The following GIMAP2 variants were observed in gnomAD, a reference collection of about 807,000 sequenced individuals.
GIMAP2 encodes GTPase IMAP family member 2.
GIMAP2 carries 22 observed loss-of-function variants against 25.5 expected under a neutral mutation model. The observed-to-expected ratio is 0.86, with a 90% CI of 0.62 to 1.23. GIMAP2 has a LOEUF of 1.23. Ranked by LOEUF, GIMAP2 falls within the 50% of genes most tolerant of loss-of-function variation. GIMAP2 has a pLI of 0.00. For synonymous variants in GIMAP2, 167 were observed against 143.0 expected, an observed-to-expected ratio of 1.17 and a Z score of -1.20; for missense variants, 422 against 395.7, an observed-to-expected ratio of 1.07 and a Z score of -0.56.
At chr7:150,688,987 C>A (rs746691643) in intron 2 of GIMAP2, among the ~76,000 whole-genome samples, 7 of 152,230 alleles carry the variant, frequency 4.6e-5, no homozygotes, top group Non-Finnish European at 1.0e-4. Flanking sequence ...TGGACAGGGC[C>A]TCATCAAGGC....
chr7:150,687,156 T>TGTGTGTGTGTGTG (rs1796913507), intron 2 of GIMAP2, 69 bp downstream of exon 2: 1 of 942,312 alleles, frequency 1.1e-6, no homozygotes, highest in African/African-American at 2.2e-5. Context: ...GTGTGTGTGT[T>TGTGTGTGTGTGTG]TGGCTCTTCT....
intron 2 of GIMAP2, among the ~76,000 whole-genome samples, chr7:150,690,714 C>T (rs1796957273): frequency 6.6e-6 from 1 of 152,182 alleles, no homozygotes; most frequent in South Asian, 2.1e-4. Flanking sequence ...AAGTTCTTTA[C>T]ATATATTAAC....
rs373101991 is a variant in GIMAP2, at chr7:150,693,451, C to T, written c.*151C>T. Reference sequence around the variant, plus strand: ...CCAATTATTAATGAACCAAATCATACGATAAGTTACTGTTTGCATTGAAAT... The same window carrying T: ...CCAATTATTAATGAACCAAATCATATGATAAGTTACTGTTTGCATTGAAAT... On this transcript the variant is annotated 3_prime_UTR_variant, in exon 3 of 3. Coordinates refer to ENST00000223293, the MANE Select transcript of GIMAP2 (RefSeq NM_015660.3). 7.0e-5 allele frequency: 38 copies of T among 544,860 alleles called. No individual in the cohort carries two copies. The highest frequency in any genetic ancestry group is 1.8e-4 in the Admixed American group (5 of 27,282). 33.8% of individuals were successfully genotyped at this position (544,860 alleles called of 1,614,324 possible). A position where few individuals can be genotyped will look rare whatever the true frequency, so the allele number is the denominator to read the frequency against.
At chr7:150,691,739 C>T (rs1005144474) in intron 2 of GIMAP2, among the ~76,000 whole-genome samples, 2 of 152,096 alleles carry the variant, frequency 1.3e-5, no homozygotes, top group African/African-American at 4.8e-5. Context: ...TCTAGAGATC[C>T]AGGACTGAGT....
chr7:150,689,229 C>T (rs1796938617), intron 2 of GIMAP2, among the ~76,000 whole-genome samples: 1 of 152,218 alleles, frequency 6.6e-6, no homozygotes. Context: ...CACTTTGCTG[C>T]ACTTGGATAG....
rs576072527 is a variant in GIMAP2 at position 150,692,233 on chromosome 7, A to C, written c.29-82A>C. Reference sequence around the variant, plus strand: ...GAGCGAGACTCCGTCTCAAAAAAAAAAGAAAAAGAAATGAAAGGAAAAAAA... The same window carrying C: ...GAGCGAGACTCCGTCTCAAAAAAAACAGAAAAAGAAATGAAAGGAAAAAAA... On this transcript the variant is annotated intron_variant, in intron 2 of 2. Transcript: ENST00000223293. 44 of 1,363,308 alleles carry C rather than the reference A, an allele frequency of 3.2e-5. No homozygotes were observed. The East Asian group carries it at 8.4e-4, about 26-fold the overall frequency. The allele number at this position is 1,363,308 out of a possible 1,614,324, so 84.5% of individuals were successfully genotyped here. A position where few individuals can be genotyped will look rare whatever the true frequency, so the allele number is the denominator to read the frequency against.
At chr7:150,688,043 A>T (rs1025910684) in intron 2 of GIMAP2, among the ~76,000 whole-genome samples, 4 of 152,154 alleles carry the variant, frequency 2.6e-5, no homozygotes, top group Non-Finnish European at 5.9e-5. Flanking sequence ...TTTATTGATC[A>T]AGCTGAACTC....
chr7:150,689,595 T>C (rs1000642566), intron 2 of GIMAP2: 3 of 699,614 alleles, frequency 4.3e-6, no homozygotes, highest in Admixed American at 4.0e-5. Context: ...ATGTGTAATG[T>C]AATGCCTGCT....
intron 2 of GIMAP2, among the ~76,000 whole-genome samples, chr7:150,691,199 TC>T (rs1187539749): frequency 2.6e-5 from 4 of 152,210 alleles, no homozygotes; most frequent in Non-Finnish European, 4.4e-5. Context: ...AAATCACTCC[TC>T]TCTCCACTAC....
Position 150,693,067 on chromosome 7 carries a change from T to C in GIMAP2, c.781T>C (p.Cys261Arg). 1 of 1,614,150 alleles carries C rather than the reference T, an allele frequency of 6.2e-7. No individual in the cohort carries two copies. The highest frequency in any genetic ancestry group is 8.5e-7 in the Non-Finnish European group (1 of 1,179,960). ...TTACACAGCCTTGGCTGAAGCAAAC[T>C]GCCTAAAAGGAGCCTTAATCAAAAC... Reference protein sequence around the residue: ...RSYTALAEANCLKGALIKTQL... With the variant: ...RSYTALAEANRLKGALIKTQL... Residue 261 changes from cysteine (C) to arginine (R), a missense_variant, in exon 3 of 3, where the codon TGC becomes CGC. Coordinates refer to ENST00000223293, the MANE Select transcript of GIMAP2 (RefSeq NM_015660.3).
intron 2 of GIMAP2, chr7:150,689,826 A>C (rs936005372): frequency 5.3e-6 from 2 of 376,308 alleles, no homozygotes; most frequent in Non-Finnish European, 9.5e-6. Context: ...CATTTACAAA[A>C]CTGGTTACTT....
intron 2 of GIMAP2, among the ~76,000 whole-genome samples, chr7:150,691,024 GAGCTT>G (rs1449274573): frequency 6.6e-6 from 1 of 152,222 alleles, no homozygotes; most frequent in African/African-American, 2.4e-5. Context: ...AAAAGGCAAT[GAGCTT>G]AGCAGGAGAG....
intron 2 of GIMAP2, 29 bp from the exon 3 acceptor site, chr7:150,692,286 C>G: frequency 6.2e-7 from 1 of 1,602,738 alleles, no homozygotes; most frequent in Non-Finnish European, 8.5e-7. Flanking sequence ...ATCAGTGTAG[C>G]GATAACACAG....
At chr7:150,688,091 A>G (rs1042001222) in intron 2 of GIMAP2, among the ~76,000 whole-genome samples, 7 of 152,004 alleles carry the variant, frequency 4.6e-5, no homozygotes, top group African/African-American at 1.7e-4. Context: ...TTTTCCTCCC[A>G]GCCACTGACT....
rs771115951 is a variant in GIMAP2 at position 150,692,705 on chromosome 7, A to C, written c.419A>C (p.His140Pro). 4.3e-5 allele frequency: 69 copies of C among 1,614,106 alleles called. No individual in the cohort carries two copies. Among genetic ancestry groups the C allele is most frequent in the Non-Finnish European group, 5.8e-5 (69 of 1,180,048 alleles). Residue 140 changes from histidine to proline, a missense_variant, in exon 3 of 3, where the codon CAC becomes CCC. Physicochemically the swap from His to Pro is moderately conservative, Grantham distance 77 (BLOSUM62 -2). Transcript: ENST00000223293. ...KEIFGEDAMG[H>P]TIVLFTHKED... ...ATCTTTGGAGAGGATGCCATGGGAC[A>C]CACAATTGTCCTCTTTACCCACAAG...
In GIMAP2 at chr7:150,692,312, C is replaced by G; in HGVS notation, c.29-3C>G. 6.2e-7 allele frequency: 1 copy of G among 1,612,496 alleles called. No homozygotes were observed. Among genetic ancestry groups the G allele is most frequent in the Non-Finnish European group, 8.5e-7 (1 of 1,178,652 alleles). ...GATAACACAGTAAACTTGCTCCTCA[C>G]AGGACCACATGCAAAGGGCCAATGT... On this transcript the variant is annotated splice_region_variant and splice_polypyrimidine_tract_variant and intron_variant, in intron 2 of 2. Coordinates refer to ENST00000223293, the MANE Select transcript of GIMAP2 (RefSeq NM_015660.3).
intron 2 of GIMAP2, chr7:150,689,500 G>C (rs1366947346): frequency 1.4e-6 from 1 of 703,122 alleles, no homozygotes; most frequent in Non-Finnish European, 2.6e-6. Context: ...CGAGAGGAAG[G>C]TTAAACGTGC....
At chr7:150,689,227 T>G (rs1796938571) in intron 2 of GIMAP2, among the ~76,000 whole-genome samples, 3 of 152,252 alleles carry the variant, frequency 2.0e-5, no homozygotes, top group Admixed American at 2.0e-4. Flanking sequence ...TTCACTTTGC[T>G]GCACTTGGAT....
At chr7:150,691,740 A>G (rs1233284772) in intron 2 of GIMAP2, among the ~76,000 whole-genome samples, 3 of 152,232 alleles carry the variant, frequency 2.0e-5, no homozygotes, top group African/African-American at 7.2e-5. Context: ...CTAGAGATCC[A>G]GGACTGAGTG....
Sources: allele counts gnomAD v4.1 joint callset (sites outside exome capture counted in the v4.1 genomes callset), GRCh38; gene constraint gnomAD v4.1.1; transcripts MANE v1.5; gene names NCBI Gene and HGNC (gene_info 2026-07-23, HGNC 2026-07-21).